The following SUPT5H variants were observed in gnomAD, a reference collection of about 807,000 sequenced individuals.
The protein encoded by SUPT5H is transcription elongation factor SPT5.
SUPT5H carries 24 observed loss-of-function variants against 142.5 expected under a neutral mutation model. The ratio of observed to expected loss-of-function variants is 0.17; its 90% CI spans 0.12 to 0.24. The LOEUF (loss-of-function observed/expected upper bound fraction) is 0.24. SUPT5H is among the 10% of genes least tolerant of loss of function. The pLI, the probability that SUPT5H is intolerant of heterozygous loss-of-function variation, is 1.00. For missense variants in SUPT5H, 893 were observed against 1,471.8 expected (o/e 0.61, Z 6.43); for synonymous variants, 546 against 553.0 (o/e 0.99, Z 0.18).
chr19:39,476,517 T>G lies in SUPT5H; in HGVS notation c.*118T>G, dbSNP rs1568436518. 7.3e-7 allele frequency: 1 copy of G among 1,364,280 alleles called. No individual in the cohort carries two copies. Among genetic ancestry groups the G allele is most frequent in the East Asian group, 2.4e-5 (1 of 42,248 alleles). The allele number at this position is 1,364,280 out of a possible 1,614,324, so 84.5% of individuals were successfully genotyped here. A position where few individuals can be genotyped will look rare whatever the true frequency, so the allele number is the denominator to read the frequency against. ...AGGCGGATTGTTCTGGATTTCCTTTTGTTTTTCCTTTTAGTTTTCCATCTT... is the reference window on the plus strand; with the variant it reads ...AGGCGGATTGTTCTGGATTTCCTTTGGTTTTTCCTTTTAGTTTTCCATCTT... On this transcript the variant is annotated 3_prime_UTR_variant, in exon 30 of 30. Transcript: ENST00000432763.
At chr19:39,447,108 A>G (rs1316574162) in intron 2 of SUPT5H, among the ~76,000 whole-genome samples, 1 of 152,114 alleles carries the variant, frequency 6.6e-6, no homozygotes, top group Non-Finnish European at 1.5e-5. Flanking sequence ...AGGTCTAGTG[A>G]GCTGTGATGG....
At chr19:39,463,393 G>T (rs940221765) in intron 10 of SUPT5H, among the ~76,000 whole-genome samples, 1 of 152,060 alleles carries the variant, frequency 6.6e-6, no homozygotes, top group African/African-American at 2.4e-5. Context: ...CTAGGAGTGT[G>T]TTGCCATGTA....
intron 2 of SUPT5H, among the ~76,000 whole-genome samples, chr19:39,447,813 T>C (rs979085454): frequency 6.6e-6 from 1 of 152,220 alleles, no homozygotes; most frequent in Non-Finnish European, 1.5e-5. Context: ...TTCTCAGGTG[T>C]CTGGTAGGAA....
In SUPT5H at chr19:39,459,555, T is replaced by G. The variant is rs1316573476; in HGVS notation, c.525-4T>G. The stretch of plus-strand genomic sequence containing the variant: ...GAAGGCCTTCCTTTTCCTCTGCTGC[T>G]TAGGGATCCCAATCTGTGGACTGTC... On this transcript the variant is annotated splice_polypyrimidine_tract_variant and splice_region_variant and intron_variant, in intron 8 of 29. Transcript: ENST00000432763. 8.1e-6 allele frequency: 13 copies of G among 1,613,956 alleles called. No homozygotes were observed. Among genetic ancestry groups the G allele is most frequent in the Non-Finnish European group, 1.1e-5 (13 of 1,179,932 alleles).
Position 39,474,598 on chromosome 19 carries a change from A to G in SUPT5H, c.2904A>G (p.Pro968=), listed in dbSNP as rs761878726. The G allele has an allele frequency of 7.4e-6, 12 of 1,614,128 alleles. No homozygotes were observed. Among genetic ancestry groups the G allele is most frequent in the Non-Finnish European group, 9.3e-6 (11 of 1,180,048 alleles). Residue 968 remains proline, a synonymous_variant, in exon 28 of 30, where the codon CCA becomes CCG. Coordinates refer to ENST00000432763, the MANE Select transcript of SUPT5H (RefSeq NM_001111020.3). This position sits in a 1 kb window ranked among gnomAD's most constrained non-coding sequence, Gnocchi z 6.5. ...CTGGTGGCTACAACCCACACACGCC[A>G]GGCTCAGGCATCGAGCAGAACTCCA... The part of the protein sequence containing the change: ...PSPGGYNPHT[P]GSGIEQNSSD...
At chr19:39,463,006 ATTTTT>A (rs34217986) in intron 10 of SUPT5H, among the ~76,000 whole-genome samples, 3 of 103,086 alleles carry the variant, frequency 2.9e-5, no homozygotes, top group East Asian at 2.6e-4. Flanking sequence ...TGCCCAGCTA[ATTTTT>A]TTTTTTTTTT....
In SUPT5H at chr19:39,464,967, A is replaced by G. The variant is rs923396519; in HGVS notation, c.794A>G (p.Lys265Arg). The change falls in exon 11 of 30, where the codon AAA becomes AGA. Residue 265 changes from lysine to arginine, a missense_variant. Physicochemically the swap from Lys to Arg is conservative, Grantham distance 26. Coordinates refer to ENST00000432763, the MANE Select transcript of SUPT5H (RefSeq NM_001111020.3). ...VPIKEMTDVL[K>R]VVKEVANLKP... ...ATCAAGGAGATGACAGACGTGCTCAAAGTGGTGAAGGAGGTGGCCAACCTG... is the reference window on the plus strand; with the variant it reads ...ATCAAGGAGATGACAGACGTGCTCAGAGTGGTGAAGGAGGTGGCCAACCTG... The G allele has an allele frequency of 2.5e-6, 4 of 1,614,134 alleles. No individual in the cohort carries two copies. The highest frequency in any genetic ancestry group is 2.7e-5 in the African/African-American group (2 of 74,950).
In SUPT5H at chr19:39,476,280, C is replaced by G; in HGVS notation, c.3145C>G (p.Arg1049Gly). The G allele has an allele frequency of 1.2e-6, 2 of 1,614,054 alleles. No homozygotes were observed. The highest frequency in any genetic ancestry group is 1.7e-6 in the Non-Finnish European group (2 of 1,180,002). The change falls in exon 30 of 30, where the codon CGG becomes GGG. Residue 1049 changes from arginine to glycine, a missense_variant. Physicochemically the swap from Arg to Gly is moderately radical, Grantham distance 125 (BLOSUM62 -2). Around this residue, in one of 6 missense-constraint regions of SUPT5H, gnomAD observed 336 missense variants for 546.5 expected, o/e 0.61. Transcript: ENST00000432763. ...NKVKVILGED[R>G]EATGVLLSID... is the part of the protein sequence containing the mutation. ...GGTGAAAGTGATCCTGGGCGAGGAT[C>G]GGGAAGCCACGGGCGTCCTACTGAG...
chr19:39,473,521 G>A lies in SUPT5H; in HGVS notation c.2492G>A (p.Arg831Gln), dbSNP rs779289152. ...WDPNNPNTPS[R>Q]AEEEYEYAFD... ...CCCAACAACCCCAACACGCCGTCAC[G>A]GTGAGTCCAGGGTTCCCCAGGTTCT... is the stretch of plus-strand genomic sequence containing the variant. Residue 831 changes from arginine to glutamine, a missense_variant and splice_region_variant, in exon 25 of 30, where the codon CGG (arginine) becomes CAG (glutamine). Arg to Gln is a conservative substitution (Grantham distance 43, BLOSUM62 1). This residue lies in a region of SUPT5H where 336 missense variants were observed against 546.5 expected (regional missense o/e 0.61). Transcript: ENST00000432763. This position sits in a 1 kb window ranked among gnomAD's most constrained non-coding sequence, Gnocchi z 5.8. 9 of 1,608,556 alleles carry A rather than the reference G, an allele frequency of 5.6e-6. No individual in the cohort carries two copies. The Middle Eastern group carries it at 4.9e-4, about 88-fold the overall frequency.
rs369469847 is a variant in SUPT5H, at chr19:39,463,712, T to C, written c.625-1086T>C. Among the ~76,000 whole-genome samples, 6 of 152,328 alleles carry C rather than the reference T, an allele frequency of 3.9e-5. No individual in the cohort carries two copies. In the East Asian group the frequency reaches 9.6e-4, roughly 24 times the overall value. ...CTCAAGTGTTCTCTTTCCTTGTTGA[T>C]CTTGGGTCTAGCTCTATCCATGATT... On this transcript the variant is annotated intron_variant, in intron 10 of 29. Transcript: ENST00000432763.
chr19:39,457,654 C>A (rs1311332125), intron 3 of SUPT5H, 21 bp from the exon 4 acceptor site: 1 of 1,611,994 alleles, frequency 6.2e-7, no homozygotes, highest in Non-Finnish European at 8.5e-7. Flanking sequence ...TGCCACTTAC[C>A]ACTTGGCCTT....
chr19:39,459,888 C>A lies in SUPT5H; in HGVS notation c.556-4C>A, dbSNP rs2079139180. ...CTCTCTCAAATCTGCCTCTCATCTT[C>A]CAGATTGGGGAGGAACGGGCCACGG... On this transcript the variant is annotated splice_region_variant and splice_polypyrimidine_tract_variant and intron_variant, in intron 9 of 29. Coordinates refer to ENST00000432763, the MANE Select transcript of SUPT5H (RefSeq NM_001111020.3). 1.2e-6 allele frequency: 2 copies of A among 1,614,012 alleles called. No homozygotes were observed. The highest frequency in any genetic ancestry group is 1.7e-6 in the Non-Finnish European group (2 of 1,180,032).
Position 39,469,356 on chromosome 19 carries a change from T to C in SUPT5H, c.1332T>C (p.Asp444=), listed in dbSNP as rs1301863016. The stretch of plus-strand genomic sequence containing the variant: ...TGCAGGGCAAGATCCTCAGCGTGGA[T>C]GGCAACAAGATCACCATCATGCCCA... ...INLQGKILSV[D]GNKITIMPKH... The change falls in exon 16 of 30, where the codon GAT becomes GAC. Residue 444 remains aspartate, a synonymous_variant. Transcript: ENST00000432763. This position sits in a 1 kb window ranked among gnomAD's most constrained non-coding sequence, Gnocchi z 5.1. The C allele has an allele frequency of 6.2e-7, 1 of 1,614,226 alleles. No individual in the cohort carries two copies. Among genetic ancestry groups the C allele is most frequent in the Non-Finnish European group, 8.5e-7 (1 of 1,180,042 alleles).
At chr19:39,453,055 G>A (rs1049836366) in intron 2 of SUPT5H, among the ~76,000 whole-genome samples, 1 of 151,004 alleles carries the variant, frequency 6.6e-6, no homozygotes, top group Non-Finnish European at 1.5e-5. Context: ...GAGGCCCAAG[G>A]ACCAAGCTTC....
rs1346436643 is a variant in SUPT5H, at chr19:39,468,949, G to A, written c.1143+88G>A. ...CCTGGGCTGTGGGTTATCTGGTTCT[G>A]TCCCACTCCTCAAGTTAGGAGTGTT... On this transcript the variant is annotated intron_variant, in intron 14 of 29. Transcript: ENST00000432763. The A allele has an allele frequency of 2.1e-5, 32 of 1,547,194 alleles. No individual in the cohort carries two copies. In the Admixed American group the frequency reaches 2.2e-4, roughly 11 times the overall value.
chr19:39,461,721 G>A (rs950298020), intron 10 of SUPT5H, among the ~76,000 whole-genome samples: 2 of 151,622 alleles, frequency 1.3e-5, no homozygotes, highest in African/African-American at 4.8e-5. Context: ...CTACTTGGGA[G>A]GCTGAGACAG....
Position 39,474,498 on chromosome 19 carries a change from TC to T in SUPT5H, c.2821-15del, listed in dbSNP as rs2079373629. ...CCAGATGACTATTCCCAATGACACT[TC>T]CTCTTTCCCCTGCAGGCTAGCCCCA... is the stretch of plus-strand genomic sequence containing the variant. On this transcript the variant is annotated splice_polypyrimidine_tract_variant and intron_variant, in intron 27 of 29. Transcript: ENST00000432763. The surrounding 1 kb of genome is among the most constrained non-coding windows in gnomAD (Gnocchi z 6.5). The T allele has an allele frequency of 8.7e-6, 14 of 1,613,480 alleles. No homozygotes were observed. The highest frequency in any genetic ancestry group is 1.2e-5 in the Non-Finnish European group (14 of 1,179,666).
rs2079246304 is a variant in SUPT5H at position 39,466,909 on chromosome 19, C to T, written c.1037+164C>T. 1.5e-6 allele frequency: 1 copy of T among 651,902 alleles called. No individual in the cohort carries two copies. Among genetic ancestry groups the T allele is most frequent in the Non-Finnish European group, 2.7e-6 (1 of 372,286 alleles). 40.4% of individuals were successfully genotyped at this position (651,902 alleles called of 1,614,324 possible). Reference sequence around the variant, plus strand: ...CAAGTCACTTCACATCCCTGTGCCTCAGTTTCTTCTGCTATAAAGATTGAT... The same window carrying T: ...CAAGTCACTTCACATCCCTGTGCCTTAGTTTCTTCTGCTATAAAGATTGAT... On this transcript the variant is annotated intron_variant, in intron 13 of 29. Transcript: ENST00000432763. This position sits in a 1 kb window ranked among gnomAD's most constrained non-coding sequence, Gnocchi z 4.3.
At chr19:39,471,963 T>G in intron 20 of SUPT5H, 1 of 612,438 alleles carries the variant, frequency 1.6e-6, no homozygotes, top group Non-Finnish European at 2.7e-6. Flanking sequence ...TGCCAGACAC[T>G]GGAGAACCAG....
Sources: allele counts gnomAD v4.1 joint callset (sites outside exome capture counted in the v4.1 genomes callset), GRCh38; gene constraint gnomAD v4.1.1; regional missense constraint gnomAD v4.1.1; non-coding constraint Gnocchi (gnomAD v3.1); transcripts MANE v1.5; gene names NCBI Gene and HGNC (gene_info 2026-07-23, HGNC 2026-07-21).